SIPA1L3: variants seen among roughly 807,000 people sequenced by gnomAD.
SIPA1L3 encodes the protein signal induced proliferation associated 1 like 3.
In SIPA1L3, 59 loss-of-function variants were observed where a neutral mutation model predicts 150.1. That is an observed-to-expected ratio of 0.39 (90% CI 0.32 to 0.49). The LOEUF (loss-of-function observed/expected upper bound fraction) is 0.49. Ranked by LOEUF, SIPA1L3 falls within the 20% of genes least tolerant of loss-of-function variation. SIPA1L3 has a pLI of 0.86. For synonymous variants in SIPA1L3, 1,070 were observed against 1,077.6 expected (o/e 0.99, Z 0.14); for missense variants, 2,211 against 2,489.5 (o/e 0.89, Z 2.38).
At chr19:37,982,980 G>A (rs1222565046) in intron 1 of SIPA1L3, among the ~76,000 whole-genome samples, 1 of 152,166 alleles carries the variant, frequency 6.6e-6, no homozygotes, top group Non-Finnish European at 1.5e-5. Flanking sequence ...ATACCATGGT[G>A]CCCTTGCCCC....
chr19:38,161,202 C>T (rs1384951139), intron 13 of SIPA1L3, among the ~76,000 whole-genome samples: 5 of 149,228 alleles, frequency 3.4e-5, no homozygotes, highest in Admixed American at 2.0e-4. Context: ...ATTAGCCGGG[C>T]GTGGTGGCCA....
chr19:38,189,869 A>C (rs1972767003), intron 16 of SIPA1L3, among the ~76,000 whole-genome samples: 1 of 152,204 alleles, frequency 6.6e-6, no homozygotes, highest in South Asian at 2.1e-4. Context: ...GAGTTTTCTA[A>C]AAATGGTTTC....
intron 11 of SIPA1L3, 28 bp downstream of exon 11, chr19:38,141,463 T>G (rs765324144): frequency 6.3e-7 from 1 of 1,593,228 alleles, no homozygotes; most frequent in South Asian, 1.1e-5. Flanking sequence ...GGACCAATAC[T>G]TCCCAACCCC....
intron 4 of SIPA1L3, among the ~76,000 whole-genome samples, chr19:38,094,745 C>T (rs572849850): frequency 1.3e-5 from 2 of 152,132 alleles, no homozygotes; most frequent in African/African-American, 2.4e-5. Context: ...CCAACCTGGA[C>T]AACGTAGCGA....
intron 2 of SIPA1L3, among the ~76,000 whole-genome samples, chr19:38,035,342 G>A (rs925867195): frequency 5.9e-5 from 9 of 152,232 alleles, no homozygotes; most frequent in South Asian, 4.1e-4. Context: ...TGCTGGGCAC[G>A]AGGCTTACCC....
rs113035113 is a variant in SIPA1L3 at position 38,175,189 on chromosome 19, G to T, written c.4209-7330G>T. On this transcript the variant is annotated intron_variant, in intron 15 of 21. Transcript: ENST00000222345. ...TTCCTGTCTCGGGGTTGCTACGGCGGCTAAGTGAGGTGACGCCTATAAGAT... is the reference window on the plus strand; with the variant it reads ...TTCCTGTCTCGGGGTTGCTACGGCGTCTAAGTGAGGTGACGCCTATAAGAT... 4.8e-4 allele frequency among the ~76,000 whole-genome samples: 73 copies of T among 152,062 alleles called. 1 individual carries two copies. Among genetic ancestry groups the T allele is most frequent in the African/African-American group, 1.7e-3 (70 of 41,480 alleles).
chr19:38,022,021 A>G (rs1458520035), intron 1 of SIPA1L3, among the ~76,000 whole-genome samples: 1 of 152,166 alleles, frequency 6.6e-6, no homozygotes, highest in Non-Finnish European at 1.5e-5. Context: ...ATGTCTGTAT[A>G]TGGAAGGAGA....
At chr19:37,937,246 G>A (rs1301621195) in intron 1 of SIPA1L3, among the ~76,000 whole-genome samples, 1 of 151,932 alleles carries the variant, frequency 6.6e-6, no homozygotes, top group Non-Finnish European at 1.5e-5. Context: ...TGGCATTTTT[G>A]GTCCATGAAA....
chr19:38,097,619 C>G (rs537968521), intron 4 of SIPA1L3, among the ~76,000 whole-genome samples: 1 of 152,266 alleles, frequency 6.6e-6, no homozygotes, highest in East Asian at 1.9e-4. Context: ...TGCAATGGCA[C>G]GATCTCAGCT....
intron 6 of SIPA1L3, chr19:38,106,192 C>T (rs951821897): frequency 7.2e-5 from 20 of 276,880 alleles, no homozygotes; most frequent in African/African-American, 1.2e-4. Context: ...CTGCAACCTC[C>T]GCCTCCCGGG....
intron 1 of SIPA1L3, among the ~76,000 whole-genome samples, chr19:37,950,801 C>G (rs1010371356): frequency 6.6e-6 from 1 of 152,252 alleles, no homozygotes; most frequent in Non-Finnish European, 1.5e-5. Context: ...TTGTGAAAGG[C>G]AGATCTGGAA....
chr19:38,188,492 A>T (rs190600672), intron 16 of SIPA1L3, among the ~76,000 whole-genome samples: 1 of 151,998 alleles, frequency 6.6e-6, no homozygotes, highest in Non-Finnish European at 1.5e-5. Context: ...CCCAAAATTT[A>T]GACAACAGAG....
intron 13 of SIPA1L3, among the ~76,000 whole-genome samples, chr19:38,158,013 G>C (rs2145971525): frequency 6.6e-6 from 1 of 152,322 alleles, no homozygotes; most frequent in Admixed American, 6.5e-5. Flanking sequence ...GGCCAAGGCA[G>C]GCGGATCACT....
intron 1 of SIPA1L3, among the ~76,000 whole-genome samples, chr19:37,961,254 A>G (rs2046856443): frequency 6.6e-6 from 1 of 150,700 alleles, no homozygotes; most frequent in African/African-American, 2.4e-5. Flanking sequence ...TCCTGGCCTC[A>G]AGTTATCTTC....
chr19:38,076,316 A>G (rs1969836893), intron 2 of SIPA1L3, among the ~76,000 whole-genome samples: 1 of 152,146 alleles, frequency 6.6e-6, no homozygotes, highest in African/African-American at 2.4e-5. Context: ...AAACTTACAC[A>G]CACACAAACA....
At chr19:38,087,359 C>A (rs2145834786) in intron 3 of SIPA1L3, among the ~76,000 whole-genome samples, 1 of 152,078 alleles carries the variant, frequency 6.6e-6, no homozygotes, top group Non-Finnish European at 1.5e-5. Flanking sequence ...ATTGTTGAAC[C>A]CCCTGCAGAT....
At chr19:38,189,133 C>T (rs886428823) in intron 16 of SIPA1L3, among the ~76,000 whole-genome samples, 1 of 150,934 alleles carries the variant, frequency 6.6e-6, no homozygotes, top group African/African-American at 2.4e-5. Flanking sequence ...TCTTGCTCTT[C>T]AAGTCTTTTT....
intron 2 of SIPA1L3, among the ~76,000 whole-genome samples, chr19:38,038,638 A>G (rs1274303315): frequency 6.6e-6 from 1 of 150,916 alleles, no homozygotes; most frequent in Non-Finnish European, 1.5e-5. Context: ...GAGAAATCCT[A>G]CAGGAAAGAA....
chr19:38,111,835 G>A (rs974509858), intron 8 of SIPA1L3, among the ~76,000 whole-genome samples: 3 of 152,234 alleles, frequency 2.0e-5, no homozygotes, highest in Non-Finnish European at 4.4e-5. Context: ...TTGGGGTTGA[G>A]GACCCTTGGA....
Sources: gnomAD v4.1 joint callset for allele counts (sites outside exome capture counted in the v4.1 genomes callset) on GRCh38, gnomAD v4.1.1 for gene constraint, MANE v1.5 for transcripts, NCBI Gene and HGNC (gene_info 2026-07-23, HGNC 2026-07-21) for gene names.